The following CACNA1D variants were observed in gnomAD, a reference collection of about 807,000 sequenced individuals.
CACNA1D encodes the protein voltage-dependent L-type calcium channel subunit alpha-1D.
Under a neutral mutation model 257.1 loss-of-function variants are expected in CACNA1D, and 55 were observed. That is an observed-to-expected ratio of 0.21 (90% CI 0.17 to 0.27). The LOEUF (loss-of-function observed/expected upper bound fraction) is 0.27, where lower values mean the gene tolerates loss of function less well. CACNA1D is among the 10% of genes least tolerant of loss of function. CACNA1D has a pLI of 1.00. For missense variants in CACNA1D, 1,876 were observed against 2,784.0 expected, an observed-to-expected ratio of 0.67 and a Z score of 7.34; for synonymous variants, 980 against 1,014.9, an observed-to-expected ratio of 0.97 and a Z score of 0.65.
Position 53,732,934 on chromosome 3 carries a change from G to T in CACNA1D, c.2593G>T (p.Ala865Ser). The T allele has an allele frequency of 1.2e-6, 2 of 1,613,918 alleles. No individual in the cohort carries two copies. The highest frequency in any genetic ancestry group is 2.2e-5 in the East Asian group (1 of 44,884). Residue 865 changes from alanine (A) to serine (S), a missense_variant, in exon 19 of 48, where the codon GCT becomes TCT. Physicochemically the swap from Ala to Ser is moderately conservative, Grantham distance 99. Around this residue, in one of 10 missense-constraint regions of CACNA1D, gnomAD observed 271 missense variants for 425.5 expected, o/e 0.64. Coordinates refer to ENST00000350061, the MANE Select transcript of CACNA1D (RefSeq NM_001128840.3). Reference protein sequence around the residue: ...EKIAPIPEGSAFFILSKTNPI... With the variant: ...EKIAPIPEGSSFFILSKTNPI... The stretch of plus-strand genomic sequence containing the variant: ...AATTGCCCCCATCCCTGAAGGGAGC[G>T]CTTTCTTCATTCTTAGCAAGACCAA...
chr3:53,534,978 TC>T (rs577768272), intron 3 of CACNA1D, among the ~76,000 whole-genome samples: 159 of 152,264 alleles, frequency 1.0e-3, no homozygotes, highest in African/African-American at 3.7e-3. Flanking sequence ...TCTCTGTATG[TC>T]CCTGGCTTCC....
chr3:53,615,230 AG>A (rs1477880611), intron 3 of CACNA1D, among the ~76,000 whole-genome samples: 2 of 152,254 alleles, frequency 1.3e-5, no homozygotes, highest in East Asian at 3.9e-4. Flanking sequence ...TTCCTTCCTC[AG>A]GGGTTCAAAT....
intron 40 of CACNA1D, chr3:53,791,005 T>G: frequency 1.4e-6 from 1 of 702,360 alleles, no homozygotes; most frequent in Non-Finnish European, 2.6e-6. Flanking sequence ...GCTTTAGAAT[T>G]TTCTGCCTGA....
intron 3 of CACNA1D, among the ~76,000 whole-genome samples, chr3:53,554,177 C>G (rs529636314): frequency 6.8e-6 from 1 of 146,966 alleles, no homozygotes; most frequent in South Asian, 2.2e-4. Context: ...GCCTGGGCAA[C>G]AGAGTGAGAC....
At chr3:53,730,313 G>A in intron 15 of CACNA1D, 129 bp from the exon 16 acceptor site, 3 of 715,218 alleles carry the variant, frequency 4.2e-6, no homozygotes, top group Non-Finnish European at 5.2e-6. Flanking sequence ...GTTTTGCTGT[G>A]TGAGTATAAC....
chr3:53,591,632 G>C (rs2093306977), intron 3 of CACNA1D, among the ~76,000 whole-genome samples: 1 of 152,122 alleles, frequency 6.6e-6, no homozygotes, highest in African/African-American at 2.4e-5. Flanking sequence ...GTTGCTCTCT[G>C]TCCACTCAAT....
chr3:53,639,476 T>A (rs2093924482), intron 3 of CACNA1D, among the ~76,000 whole-genome samples: 1 of 151,858 alleles, frequency 6.6e-6, no homozygotes, highest in African/African-American at 2.4e-5. Flanking sequence ...AACTTCCGCC[T>A]CCTGGGTTCA....
At chr3:53,650,075 A>G (rs1203721721) in intron 3 of CACNA1D, among the ~76,000 whole-genome samples, 1 of 152,222 alleles carries the variant, frequency 6.6e-6, no homozygotes, top group Non-Finnish European at 1.5e-5. Flanking sequence ...ACTAGAGGAA[A>G]GGTCAGAGGC....
intron 3 of CACNA1D, among the ~76,000 whole-genome samples, chr3:53,533,882 A>G (rs1266529723): frequency 1.3e-5 from 2 of 152,194 alleles, no homozygotes; most frequent in Non-Finnish European, 2.9e-5. Context: ...TGGTTACTGC[A>G]TTTTTAGGCA....
chr3:53,586,649 C>T (rs2093222612), intron 3 of CACNA1D, among the ~76,000 whole-genome samples: 1 of 152,128 alleles, frequency 6.6e-6, no homozygotes, highest in South Asian at 2.1e-4. Context: ...ACATTTTAGA[C>T]TATCTTTACT....
At chr3:53,620,950 A>G (rs1292700597) in intron 3 of CACNA1D, among the ~76,000 whole-genome samples, 1 of 152,198 alleles carries the variant, frequency 6.6e-6, no homozygotes, top group Non-Finnish European at 1.5e-5. Context: ...GCTAGCCATG[A>G]CACTGCCAGA....
At chr3:53,680,550 G>A (rs1027535126) in intron 8 of CACNA1D, among the ~76,000 whole-genome samples, 3 of 152,164 alleles carry the variant, frequency 2.0e-5, no homozygotes, top group Admixed American at 1.3e-4. Flanking sequence ...TATTAGTGTT[G>A]CAGGGGAGGC....
At position 53,699,470 on chromosome 3, in the gene CACNA1D, T is replaced by G. The variant is rs966029091; in HGVS notation, c.1221-3171T>G. Reference sequence around the variant, plus strand: ...ACAGCGGAACAGGTATTGTTGTGTCTGTTTGGAAGTGAGGAAACTGAAGCT... The same window carrying G: ...ACAGCGGAACAGGTATTGTTGTGTCGGTTTGGAAGTGAGGAAACTGAAGCT... On this transcript the variant is annotated intron_variant, in intron 8 of 47. Transcript: ENST00000350061. Among the ~76,000 whole-genome samples the G allele has an allele frequency of 5.9e-5, 9 of 152,222 alleles. No individual in the cohort carries two copies. The South Asian group carries it at 1.2e-3, about 21-fold the overall frequency.
intron 29 of CACNA1D, among the ~76,000 whole-genome samples, chr3:53,756,004 G>A (rs985936446): frequency 1.3e-5 from 2 of 152,174 alleles, no homozygotes; most frequent in African/African-American, 4.8e-5. Flanking sequence ...GAGAGCCTTT[G>A]TCTCATGGGA....
At chr3:53,735,608 G>T in intron 20 of CACNA1D, 105 bp downstream of exon 20, 1 of 1,294,658 alleles carries the variant, frequency 7.7e-7, no homozygotes, top group Non-Finnish European at 1.1e-6. Context: ...GACAGCTAGA[G>T]TAGGTCTTTC....
chr3:53,776,164 C>T, intron 35 of CACNA1D, 119 bp downstream of exon 35: 1 of 919,538 alleles, frequency 1.1e-6, no homozygotes, highest in East Asian at 2.4e-5. Context: ...GATGAGCACT[C>T]TGGACTCCAC....
At chr3:53,498,141 G>A (rs1473435816) in intron 2 of CACNA1D, among the ~76,000 whole-genome samples, 1 of 152,234 alleles carries the variant, frequency 6.6e-6, no homozygotes, top group East Asian at 1.9e-4. Context: ...GGGAGCCAGT[G>A]AAGGGAGAGG....
chr3:53,591,947 G>T (rs1311712863), intron 3 of CACNA1D, among the ~76,000 whole-genome samples: 2 of 151,974 alleles, frequency 1.3e-5, no homozygotes, highest in Non-Finnish European at 2.9e-5. Context: ...CACCTTCTCT[G>T]CCCCTTTCTT....
Position 53,770,456 on chromosome 3 carries a change from CT to C in CACNA1D, c.3953del (p.Phe1318SerfsTer6), listed in dbSNP as rs2095360297. 6.2e-7 allele frequency: 1 copy of C among 1,613,506 alleles called. No homozygotes were observed. Among genetic ancestry groups the C allele is most frequent in the Non-Finnish European group, 8.5e-7 (1 of 1,179,422 alleles). On this transcript the variant is annotated frameshift_variant, in exon 32 of 48. Coordinates refer to ENST00000350061, the MANE Select transcript of CACNA1D (RefSeq NM_001128840.3). LOFTEE classifies it high-confidence loss of function. ...SEESNRISIT[F>X]FRLFRVMRLV... ...AAGAGAGCAATAGAATCTCCATCAC[CT>C]TTTTCCGTCTTTTCCGAGTGATGCG...
Sources: allele counts gnomAD v4.1 joint callset (sites outside exome capture counted in the v4.1 genomes callset), GRCh38; gene constraint gnomAD v4.1.1; regional missense constraint gnomAD v4.1.1; transcripts MANE v1.5; gene names NCBI Gene and HGNC (gene_info 2026-07-23, HGNC 2026-07-21).